The following SHQ1 variants were observed in gnomAD, a reference collection of about 807,000 sequenced individuals.
SHQ1 encodes SHQ1, H/ACA ribonucleoprotein assembly factor.
In SHQ1, 49 loss-of-function variants were observed where a neutral mutation model predicts 53.8. The ratio of observed to expected loss-of-function variants is 0.91; its 90% CI spans 0.72 to 1.16. The LOEUF (loss-of-function observed/expected upper bound fraction) is 1.16. Among genes scored for constraint, SHQ1 ranks in the 50% most tolerant of loss-of-function variants. SHQ1 has a pLI of 0.00. For synonymous variants in SHQ1, 243 were observed against 251.0 expected, an observed-to-expected ratio of 0.97 and a Z score of 0.30; for missense variants, 738 against 683.1, an observed-to-expected ratio of 1.08 and a Z score of -0.90.
intron 1 of SHQ1, 69 bp from the exon 2 acceptor site, chr3:72,844,492 G>A (rs768655471): frequency 2.6e-6 from 3 of 1,166,270 alleles, no homozygotes; most frequent in Non-Finnish European, 3.9e-6. Flanking sequence ...ATCAATACTT[G>A]CAAACATTTA....
intron 10 of SHQ1, among the ~76,000 whole-genome samples, chr3:72,751,539 T>TATAC (rs1456991894): frequency 5.2e-4 from 63 of 120,178 alleles, no homozygotes; most frequent in African/African-American, 1.8e-3. Flanking sequence ...TACATATACA[T>TATAC]ACACTAATAA....
At chr3:72,746,761 A>C (rs969527914), downstream of SHQ1, among the ~76,000 whole-genome samples, 2 of 152,216 alleles carry the variant, frequency 1.3e-5, no homozygotes, top group African/African-American at 4.8e-5. Flanking sequence ...AAATTGATGG[A>C]AGGAAGAAAA....
At chr3:72,816,956 T>C (rs1707337860) in intron 7 of SHQ1, among the ~76,000 whole-genome samples, 4 of 152,196 alleles carry the variant, frequency 2.6e-5, no homozygotes, top group Admixed American at 2.6e-4. Flanking sequence ...CAGAGTAGCC[T>C]TCCTCTCTAC....
intron 10 of SHQ1, among the ~76,000 whole-genome samples, chr3:72,762,166 T>C (rs113669509): frequency 1.4e-4 from 22 of 152,082 alleles, no homozygotes; most frequent in African/African-American, 5.1e-4. Context: ...CATCCATTTT[T>C]TGAGAAAAAT....
intron 5 of SHQ1, among the ~76,000 whole-genome samples, chr3:72,829,304 C>G (rs1707759952): frequency 6.6e-6 from 1 of 152,186 alleles, no homozygotes; most frequent in Admixed American, 6.5e-5. Flanking sequence ...CTTCATAGCA[C>G]TTGATTACAA....
chr3:72,846,128 T>A lies in SHQ1; in HGVS notation c.144-1705A>T, dbSNP rs1365040909. 4 of 1,300,178 alleles carry A rather than the reference T, an allele frequency of 3.1e-6. No homozygotes were observed. The Admixed American group carries it at 8.3e-5, about 27-fold the overall frequency. The allele number at this position is 1,300,178 out of a possible 1,614,324, so 80.5% of individuals were successfully genotyped here. ...GCACAACAGGTGAGCATTCAGAAAATGTGAGCTATTATTACCAGCTCCCTT... is the reference window on the plus strand; with the variant it reads ...GCACAACAGGTGAGCATTCAGAAAAAGTGAGCTATTATTACCAGCTCCCTT... On this transcript the variant is annotated intron_variant, in intron 1 of 10. Coordinates refer to ENST00000325599, the MANE Select transcript of SHQ1 (RefSeq NM_018130.3).
Position 72,815,362 on chromosome 3 carries a change from T to C in SHQ1, c.924A>G (p.Leu308=), listed in dbSNP as rs376362419. The change falls in exon 8 of 11, where the codon CTA becomes CTG. Residue 308 remains leucine, a synonymous_variant. Transcript: ENST00000325599. ...AWNIRKLSPT[L]CWFETWTNVH... ...CTGGAAATCATACCTCAAACCAGCATAGTGTTGGACTCAGTTTCCTGATAT... is the reference window on the plus strand; with the variant it reads ...CTGGAAATCATACCTCAAACCAGCACAGTGTTGGACTCAGTTTCCTGATAT... The C allele has an allele frequency of 4.6e-5, 75 of 1,613,316 alleles. 1 individual carries two copies. In the East Asian group the frequency reaches 5.1e-4, roughly 11 times the overall value.
intron 9 of SHQ1, chr3:72,810,055 T>C (rs1401248019): frequency 1.3e-5 from 2 of 151,956 alleles, no homozygotes; most frequent in Non-Finnish European, 2.9e-5. Flanking sequence ...TAACAGCAAC[T>C]AAGTGATGCT....
intron 10 of SHQ1, among the ~76,000 whole-genome samples, chr3:72,773,757 G>C (rs1280651123): frequency 1.3e-5 from 2 of 152,144 alleles, no homozygotes. Flanking sequence ...ATGTGGAGTA[G>C]GGAATCAAAG....
chr3:72,785,646 A>C (rs577633666), intron 10 of SHQ1, among the ~76,000 whole-genome samples: 1 of 152,196 alleles, frequency 6.6e-6, no homozygotes, highest in Non-Finnish European at 1.5e-5. Flanking sequence ...AAAAAGCCTC[A>C]CATCCACTCT....
intron 9 of SHQ1, among the ~76,000 whole-genome samples, chr3:72,804,591 C>A (rs1490486332): frequency 2.0e-5 from 3 of 152,232 alleles, no homozygotes; most frequent in Non-Finnish European, 4.4e-5. Flanking sequence ...TGTAACTCTT[C>A]ACCAATTCTG....
At chr3:72,829,566 CTG>C (rs1468035076) in intron 5 of SHQ1, among the ~76,000 whole-genome samples, 1 of 152,170 alleles carries the variant, frequency 6.6e-6, no homozygotes, top group African/African-American at 2.4e-5. Context: ...TTCTCAAGTT[CTG>C]TGTTTTGAAT....
chr3:72,840,150 G>T (rs1708126346), intron 4 of SHQ1, among the ~76,000 whole-genome samples: 1 of 149,668 alleles, frequency 6.7e-6, no homozygotes, highest in South Asian at 2.1e-4. Flanking sequence ...TACTTGGGAG[G>T]CTGAGGCAGG....
the SHQ1 span, among the ~76,000 whole-genome samples, chr3:72,733,338 C>T: frequency 7.3e-5 from 11 of 151,496 alleles, no homozygotes; most frequent in Admixed American, 5.3e-4. Flanking sequence ...ATCACAGTCA[C>T]AGAAATACAG....
At chr3:72,740,548 G>A in the SHQ1 span, among the ~76,000 whole-genome samples, 1 of 152,202 alleles carries the variant, frequency 6.6e-6, no homozygotes, top group Non-Finnish European at 1.5e-5. Context: ...TGAAGCAGTT[G>A]TGTCAGGTGT....
intron 10 of SHQ1, among the ~76,000 whole-genome samples, chr3:72,761,596 G>A (rs768358231): frequency 6.6e-6 from 1 of 152,158 alleles, no homozygotes; most frequent in East Asian, 1.9e-4. Flanking sequence ...GACAGTATCC[G>A]TTAATACAAA....
chr3:72,785,253 T>C (rs1035448227), intron 10 of SHQ1, among the ~76,000 whole-genome samples: 20 of 152,346 alleles, frequency 1.3e-4, no homozygotes, highest in Admixed American at 2.0e-4. Context: ...AGCTGTACTC[T>C]TGAATGTACA....
intron 6 of SHQ1, among the ~76,000 whole-genome samples, chr3:72,820,280 G>GTTAT (rs1707438524): frequency 1.3e-5 from 2 of 152,164 alleles, no homozygotes; most frequent in Non-Finnish European, 2.9e-5. Flanking sequence ...TTCAATAACT[G>GTTAT]TGCACAGAAG....
chr3:72,751,508 G>GTGTGTGTGTGTATATATATATA (rs1210782182), intron 10 of SHQ1, among the ~76,000 whole-genome samples: 4 of 116,976 alleles, frequency 3.4e-5, no homozygotes, highest in African/African-American at 1.8e-4. Context: ...GTGTGTGTGT[G>GTGTGTGTGTGTATATATATATA]TATATATATA....
Sources: allele counts gnomAD v4.1 joint callset (sites outside exome capture counted in the v4.1 genomes callset), GRCh38; gene constraint gnomAD v4.1.1; transcripts MANE v1.5; gene names NCBI Gene and HGNC (gene_info 2026-07-23, HGNC 2026-07-21).